The following FNBP1 variants were observed in gnomAD, a reference collection of about 807,000 sequenced individuals.
FNBP1 encodes formin-binding protein 1.
FNBP1 carries 26 observed loss-of-function variants against 90.6 expected under a neutral mutation model. The ratio of observed to expected loss-of-function variants is 0.29; its 90% CI spans 0.21 to 0.40. The LOEUF is 0.40. FNBP1 is among the 10% of genes least tolerant of loss of function. The probability of loss-of-function intolerance (pLI) is 1.00; values close to 1 mark genes in which losing one functional copy is unlikely to be tolerated. For missense variants in FNBP1, 635 were observed against 768.0 expected (o/e 0.83, Z 2.05); for synonymous variants, 260 against 265.2 (o/e 0.98, Z 0.19).
chr9:129,943,436 GAGTGC>G (rs2044655784), intron 6 of FNBP1, among the ~76,000 whole-genome samples: 1 of 46,192 alleles, frequency 2.2e-5, no homozygotes, highest in Admixed American at 2.7e-4. Flanking sequence ...GCCCAGGCTG[GAGTGC>G]AGTGGCGTGA....
chr9:129,961,185 T>C (rs568327441), intron 4 of FNBP1, among the ~76,000 whole-genome samples: 82 of 151,778 alleles, frequency 5.4e-4, no homozygotes, highest in Non-Finnish European at 1.0e-3. Context: ...TGGTGGCGCA[T>C]GCCTGTAATC....
At chr9:129,919,308 A>C (rs1454170303) in intron 10 of FNBP1, 20 of 749,596 alleles carry the variant, frequency 2.7e-5, no homozygotes, top group Non-Finnish European at 4.0e-5. Flanking sequence ...TTAACATATG[A>C]CAAACAACTG....
chr9:129,899,904 G>C (rs528145294), intron 15 of FNBP1, 61 bp downstream of exon 15: 1 of 1,377,854 alleles, frequency 7.3e-7, no homozygotes, highest in African/African-American at 1.5e-5. Context: ...AGTGAAAGAA[G>C]AGTAACTCAG....
In FNBP1 at chr9:129,895,930, C is replaced by A; in HGVS notation, c.1754G>T (p.Gly585Val). The change falls in exon 16 of 17, where the codon GGC becomes GTC. Residue 585 changes from glycine to valine, a missense_variant. Coordinates refer to ENST00000446176, the MANE Select transcript of FNBP1 (RefSeq NM_015033.3). Reference protein sequence around the residue: ...ETLYVIEEDKGDGWTRIRRNE... With the variant: ...ETLYVIEEDKVDGWTRIRRNE... ...TCTCCGAATGCGGGTCCAGCCATCG[C>A]CTTTGTCTTCCTCTATGACATACAA... The A allele has an allele frequency of 6.2e-7, 1 of 1,613,748 alleles. No homozygotes were observed.
At chr9:129,931,433 C>G (rs1372739349) in intron 6 of FNBP1, among the ~76,000 whole-genome samples, 2 of 151,668 alleles carry the variant, frequency 1.3e-5, no homozygotes, top group African/African-American at 4.9e-5. Flanking sequence ...GAAACCCCGT[C>G]TCTACTAAAA....
At chr9:129,973,299 G>C (rs971879315) in intron 4 of FNBP1, among the ~76,000 whole-genome samples, 1 of 152,148 alleles carries the variant, frequency 6.6e-6, no homozygotes, top group Non-Finnish European at 1.5e-5. Flanking sequence ...ACTCTGTTAT[G>C]CTGTGTGCGC....
chr9:129,894,786 G>A (rs957111586), intron 16 of FNBP1, among the ~76,000 whole-genome samples: 1 of 152,324 alleles, frequency 6.6e-6, no homozygotes, highest in Non-Finnish European at 1.5e-5. Flanking sequence ...TGGGCCAGGT[G>A]CGGTGGCTCA....
chr9:130,009,617 A>G (rs1383407461), intron 1 of FNBP1, among the ~76,000 whole-genome samples: 6 of 152,174 alleles, frequency 3.9e-5, no homozygotes, highest in Non-Finnish European at 5.9e-5. Flanking sequence ...CCTGGCCAAC[A>G]TGGTGAAACC....
intron 16 of FNBP1, among the ~76,000 whole-genome samples, chr9:129,893,831 G>A (rs1038921361): frequency 2.7e-5 from 4 of 147,250 alleles, no homozygotes; most frequent in Non-Finnish European, 4.4e-5. Flanking sequence ...CAGGAGAATC[G>A]CTTGAACTCA....
intron 6 of FNBP1, among the ~76,000 whole-genome samples, chr9:129,954,067 C>A (rs1462662600): frequency 6.6e-6 from 1 of 151,042 alleles, no homozygotes; most frequent in East Asian, 1.9e-4. Flanking sequence ...TCTTAAAAAA[C>A]GTATCCAGAA....
intron 11 of FNBP1, chr9:129,910,177 G>A (rs1326201280): frequency 4.4e-6 from 2 of 456,004 alleles, no homozygotes; most frequent in Non-Finnish European, 8.8e-6. Context: ...GTGAGGCTAT[G>A]TTCATAAAGA....
chr9:129,927,404 C>T (rs897252936), intron 7 of FNBP1, 63 bp from the exon 8 acceptor site: 34 of 1,533,722 alleles, frequency 2.2e-5, no homozygotes, highest in Middle Eastern at 3.4e-4. Context: ...AGTTGTTTTT[C>T]GGCAGCATTG....
At chr9:129,997,096 G>A (rs970429661) in intron 1 of FNBP1, among the ~76,000 whole-genome samples, 1 of 151,904 alleles carries the variant, frequency 6.6e-6, no homozygotes, top group African/African-American at 2.4e-5. Context: ...AAGCCAAGGC[G>A]GGTGGATCAC....
chr9:130,009,107 A>G lies in FNBP1; in HGVS notation c.25-14149T>C, dbSNP rs371140756. On this transcript the variant is annotated intron_variant, in intron 1 of 16. Coordinates refer to ENST00000446176, the MANE Select transcript of FNBP1 (RefSeq NM_015033.3). ...GGCAGTGGTAGAGTGGGTGCAAAAT[A>G]TTACAAAAATATTACAGGAAAAAAA... 2.1e-3 allele frequency among the ~76,000 whole-genome samples: 321 copies of G among 152,300 alleles called. 1 individual carries two copies. The highest frequency in any genetic ancestry group is 6.8e-3 in the Middle Eastern group (2 of 294).
Position 129,900,062 on chromosome 9 carries a change from A to G in FNBP1, c.1590T>C (p.Ser530=), listed in dbSNP as rs1488400872. 6.2e-6 allele frequency: 10 copies of G among 1,611,624 alleles called. No homozygotes were observed. The highest frequency in any genetic ancestry group is 8.5e-6 in the Non-Finnish European group (10 of 1,178,464). ...GSYTEEQSQE[S]EMKVLATDFD... ...AATCCGTGGCCAGCACCTTCATCTCACTCTCCTGACTCTGCTCCTCTGTGT... is the reference window on the plus strand; with the variant it reads ...AATCCGTGGCCAGCACCTTCATCTCGCTCTCCTGACTCTGCTCCTCTGTGT... Residue 530 remains serine (S), a synonymous_variant, in exon 15 of 17, where the codon AGT becomes AGC. Coordinates refer to ENST00000446176, the MANE Select transcript of FNBP1 (RefSeq NM_015033.3). This position sits in a 1 kb window ranked among gnomAD's most constrained non-coding sequence, Gnocchi z 4.1.
intron 1 of FNBP1, among the ~76,000 whole-genome samples, chr9:130,000,545 T>C (rs916201785): frequency 8.5e-5 from 13 of 152,292 alleles, no homozygotes; most frequent in African/African-American, 3.1e-4. Flanking sequence ...ATCATAGATA[T>C]ATGCAGATCT....
At chr9:129,985,676 C>T (rs1444633283) in intron 2 of FNBP1, among the ~76,000 whole-genome samples, 1 of 151,966 alleles carries the variant, frequency 6.6e-6, no homozygotes, top group Non-Finnish European at 1.5e-5. Context: ...GCTAGCCAGC[C>T]GTGGGCCAGG....
intron 1 of FNBP1, among the ~76,000 whole-genome samples, chr9:130,026,782 G>C (rs2132047870): frequency 6.6e-6 from 1 of 151,936 alleles, no homozygotes; most frequent in African/African-American, 2.4e-5. Flanking sequence ...GCAAAACCCT[G>C]TCTCTACCAA....
the FNBP1 span, chr9:130,053,846 C>T: frequency 5.3e-6 from 7 of 1,309,348 alleles, no homozygotes; most frequent in African/African-American, 1.5e-5. Context: ...AGCCGCCGAG[C>T]CCCGCTCCCC....
Sources: allele counts gnomAD v4.1 joint callset (sites outside exome capture counted in the v4.1 genomes callset), GRCh38; gene constraint gnomAD v4.1.1; non-coding constraint Gnocchi (gnomAD v3.1); transcripts MANE v1.5; gene names NCBI Gene and HGNC (gene_info 2026-07-23, HGNC 2026-07-21).